Variants in SETDB1 observed in about 807,000 individuals in gnomAD.
SETDB1 encodes the protein SET domain bifurcated histone lysine methyltransferase 1, also known as histone-lysine N-methyltransferase SETDB1.
SETDB1 carries 31 observed loss-of-function variants against 137.4 expected under a neutral mutation model. The ratio of observed to expected loss-of-function variants is 0.23; its 90% CI spans 0.17 to 0.30. The LOEUF (loss-of-function observed/expected upper bound fraction) is 0.30, where lower values mean the gene tolerates loss of function less well. Ranked by LOEUF, SETDB1 falls within the 10% of genes least tolerant of loss-of-function variation. SETDB1 has a pLI of 1.00. For synonymous variants in SETDB1, 548 were observed against 579.9 expected (o/e 0.95, Z 0.79); for missense variants, 1,113 against 1,631.5 (o/e 0.68, Z 5.47).
Position 150,941,405 on chromosome 1 carries a change from G to T in SETDB1, c.524G>T (p.Ser175Ile). 6.2e-7 allele frequency: 1 copy of T among 1,611,672 alleles called. No individual in the cohort carries two copies. The highest frequency in any genetic ancestry group is 8.5e-7 in the Non-Finnish European group (1 of 1,177,782). The stretch of plus-strand genomic sequence containing the variant: ...TTCATGGATGCTGTCAACAAGAAGA[G>T]CAGTTCCCAGGATCTGCATAAAGGT... ...QKFMDAVNKK[S>I]SSQDLHKGTL... The change falls in exon 5 of 22, where the codon AGC (serine) becomes ATC (isoleucine). Residue 175 changes from serine (S) to isoleucine (I), a missense_variant. By Grantham distance (142) the Ser-to-Ile change is moderately radical (BLOSUM62 -2). Transcript: ENST00000692827.
chr1:150,958,690 C>T (rs1317734969), intron 14 of SETDB1, among the ~76,000 whole-genome samples: 1 of 151,996 alleles, frequency 6.6e-6, no homozygotes, highest in Non-Finnish European at 1.5e-5. Context: ...CCTTTCGTAT[C>T]TGTTATGTTG....
chr1:150,941,810 T>C (rs2102688017), intron 5 of SETDB1, among the ~76,000 whole-genome samples: 1 of 151,614 alleles, frequency 6.6e-6, no homozygotes, highest in Admixed American at 6.6e-5. Context: ...CTCGGCAACA[T>C]AGTGAAACCC....
At position 150,930,043 on chromosome 1, in the gene SETDB1, G is replaced by A. The variant is rs1448995418; in HGVS notation, c.337G>A (p.Glu113Lys). The change falls in exon 3 of 22, where the codon GAG (glutamate) becomes AAG (lysine). Residue 113 changes from glutamate to lysine, a missense_variant. This residue lies in a region of SETDB1 where 159 missense variants were observed against 188.6 expected (regional missense o/e 0.84). Transcript: ENST00000692827. ...LGLQYRDSSSEDESSRPTEII... is the reference protein window; with the variant it reads ...LGLQYRDSSSKDESSRPTEII... Reference sequence around the variant, plus strand: ...ACTACAATACCGGGACAGTAGCTCTGAGGACGAATCTTCCCGGCCTACAGA... The same window carrying A: ...ACTACAATACCGGGACAGTAGCTCTAAGGACGAATCTTCCCGGCCTACAGA... 6.2e-7 allele frequency: 1 copy of A among 1,613,930 alleles called. No individual in the cohort carries two copies. Among genetic ancestry groups the A allele is most frequent in the Admixed American group, 1.7e-5 (1 of 60,004 alleles).
chr1:150,945,038 A>G lies in SETDB1; in HGVS notation c.1070A>G (p.Glu357Gly). The G allele has an allele frequency of 6.2e-7, 1 of 1,614,134 alleles. No individual in the cohort carries two copies. Among genetic ancestry groups the G allele is most frequent in the Non-Finnish European group, 8.5e-7 (1 of 1,180,026 alleles). The change falls in exon 9 of 22, where the codon GAG becomes GGG. Residue 357 changes from glutamate to glycine, a missense_variant. Coordinates refer to ENST00000692827, the MANE Select transcript of SETDB1 (RefSeq NM_001366418.1). ...LLKSGQLIKT[E>G]WEGTWWKSRV... Reference sequence around the variant, plus strand: ...AAGAGTGGCCAGCTTATCAAGACTGAGTGGGAAGGCACGTGGTGGAAGTCC... The same window carrying G: ...AAGAGTGGCCAGCTTATCAAGACTGGGTGGGAAGGCACGTGGTGGAAGTCC...
intron 9 of SETDB1, 23 bp from the exon 10 acceptor site, chr1:150,946,863 A>G (rs368114865): frequency 8.7e-6 from 14 of 1,613,548 alleles, no homozygotes; most frequent in East Asian, 2.2e-5. Context: ...ATTTCCCTTC[A>G]TTCTTTTCTC....
At chr1:150,948,910 G>C (rs940531406) in intron 10 of SETDB1, among the ~76,000 whole-genome samples, 1 of 151,660 alleles carries the variant, frequency 6.6e-6, no homozygotes, top group African/African-American at 2.4e-5. Flanking sequence ...GTAGAGACGG[G>C]GTTTCACCAT....
chr1:150,956,543 T>C (rs1168052602), intron 14 of SETDB1, among the ~76,000 whole-genome samples: 1 of 152,202 alleles, frequency 6.6e-6, no homozygotes, highest in African/African-American at 2.4e-5. Flanking sequence ...AAACAGAGGA[T>C]ATTAACATAA....
At chr1:150,926,750 C>G (rs1426775057) in intron 1 of SETDB1, 5 of 533,128 alleles carry the variant, frequency 9.4e-6, no homozygotes, top group Non-Finnish European at 1.2e-5. Flanking sequence ...TTTCTTTAAC[C>G]GTTTGATTAA....
chr1:150,948,843 C>T (rs991475362), intron 10 of SETDB1, among the ~76,000 whole-genome samples: 5 of 151,622 alleles, frequency 3.3e-5, no homozygotes, highest in South Asian at 2.1e-4. Context: ...CTGCGCCTTC[C>T]GAGCAGCTGG....
chr1:150,949,905 G>T (rs2102715727), intron 12 of SETDB1, among the ~76,000 whole-genome samples: 1 of 152,268 alleles, frequency 6.6e-6, no homozygotes, highest in Admixed American at 6.5e-5. Context: ...ATAATTCACA[G>T]GCAAATACAT....
At chr1:150,936,910 A>C (rs1669962489) in intron 3 of SETDB1, among the ~76,000 whole-genome samples, 1 of 152,176 alleles carries the variant, frequency 6.6e-6, no homozygotes, top group South Asian at 2.1e-4. Flanking sequence ...GGATCGCCTG[A>C]GGTCAGGAGT....
chr1:150,939,894 C>T (rs1670078402), intron 3 of SETDB1, 46 bp from the exon 4 acceptor site: 3 of 1,466,332 alleles, frequency 2.0e-6, no homozygotes, highest in Non-Finnish European at 1.9e-6. Flanking sequence ...CCAGAAGTTC[C>T]TCTGTGTAAG....
chr1:150,935,105 G>A (rs898527597), intron 3 of SETDB1, among the ~76,000 whole-genome samples: 2 of 152,352 alleles, frequency 1.3e-5, no homozygotes, highest in African/African-American at 4.8e-5. Flanking sequence ...ACAGGCGTGA[G>A]CCACTGTGCC....
At position 150,950,773 on chromosome 1, in the gene SETDB1, T is replaced by A; in HGVS notation, c.1899T>A (p.Gly633=). Residue 633 remains glycine (G), a synonymous_variant, in exon 13 of 22, where the codon GGT becomes GGA. Coordinates refer to ENST00000692827, the MANE Select transcript of SETDB1 (RefSeq NM_001366418.1). ...ATGTTATCTATAAGACACCTTGTGG[T>A]CTCTGCCTTCGGACAATGCAGGAGA... ...GFHVIYKTPC[G]LCLRTMQEIE... The A allele has an allele frequency of 6.2e-7, 1 of 1,614,212 alleles. No individual in the cohort carries two copies. The highest frequency in any genetic ancestry group is 8.5e-7 in the Non-Finnish European group (1 of 1,180,032).
intron 10 of SETDB1, among the ~76,000 whole-genome samples, chr1:150,947,819 T>G (rs1202769831): frequency 1.3e-5 from 2 of 152,148 alleles, no homozygotes; most frequent in African/African-American, 4.8e-5. Context: ...TTAATATTAC[T>G]GTCATACTTT....
At chr1:150,939,174 A>G (rs944755042) in intron 3 of SETDB1, among the ~76,000 whole-genome samples, 1 of 149,296 alleles carries the variant, frequency 6.7e-6, no homozygotes, top group Non-Finnish European at 1.5e-5. Context: ...CTGGTCTGGA[A>G]CTCCTGACAT....
Position 150,951,430 on chromosome 1 carries a change from A to G in SETDB1, c.2282A>G (p.Asn761Ser), listed in dbSNP as rs765827098. 12 of 1,613,762 alleles carry G rather than the reference A, an allele frequency of 7.4e-6. No homozygotes were observed. Among genetic ancestry groups the G allele is most frequent in the East Asian group, 2.2e-5 (1 of 44,886 alleles). The change falls in exon 14 of 22, where the codon AAC becomes AGC. Residue 761 changes from asparagine (N) to serine (S), a missense_variant. Coordinates refer to ENST00000692827, the MANE Select transcript of SETDB1 (RefSeq NM_001366418.1). ...ATACTPGGQI[N>S]PNSGYQYKRL... ...GCCTGTACCCCAGGAGGCCAAATCA[A>G]CCCTAACTCTGGCTACCAGTACAAG...
chr1:150,926,602 G>T lies in SETDB1; in HGVS notation c.-12+85G>T. ...GTGGGAGGGGGTCGGGCGAGGGTGG[G>T]AAGGAAGTCTTCCCCAGAGGCGAAC... On this transcript the variant is annotated intron_variant, in intron 1 of 21. Coordinates refer to ENST00000692827, the MANE Select transcript of SETDB1 (RefSeq NM_001366418.1). 7.2e-6 allele frequency: 3 copies of T among 416,192 alleles called. No homozygotes were observed. In the Admixed American group the frequency reaches 1.0e-4, roughly 14 times the overall value. The allele number at this position is 416,192 out of a possible 1,614,324, so 25.8% of individuals were successfully genotyped here.
At position 150,950,758 on chromosome 1, in the gene SETDB1, T is replaced by C. The variant is rs774066800; in HGVS notation, c.1884T>C (p.Tyr628=). The stretch of plus-strand genomic sequence containing the variant: ...GCAAGATGGGCTTTCATGTTATCTA[T>C]AAGACACCTTGTGGTCTCTGCCTTC... The part of the protein sequence containing the change: ...VNRKMGFHVI[Y]KTPCGLCLRT... Residue 628 remains tyrosine, a synonymous_variant, in exon 13 of 22, where the codon TAT becomes TAC. Coordinates refer to ENST00000692827, the MANE Select transcript of SETDB1 (RefSeq NM_001366418.1). 8.7e-6 allele frequency: 14 copies of C among 1,614,186 alleles called. No homozygotes were observed. Among genetic ancestry groups the C allele is most frequent in the Middle Eastern group, 3.3e-4 (2 of 6,060 alleles).
Sources: gnomAD v4.1 joint callset for allele counts (sites outside exome capture counted in the v4.1 genomes callset) on GRCh38, gnomAD v4.1.1 for gene constraint, gnomAD v4.1.1 regional missense constraint, MANE v1.5 for transcripts, NCBI Gene and HGNC (gene_info 2026-07-23, HGNC 2026-07-21) for gene names.